SHOX: variants seen among roughly 807,000 people sequenced by gnomAD.
SHOX encodes SHOX homeobox.
In SHOX, 12 loss-of-function variants were observed where a neutral mutation model predicts 29.6. The ratio of observed to expected loss-of-function variants is 0.41; its 90% CI spans 0.26 to 0.66. The LOEUF (loss-of-function observed/expected upper bound fraction) is 0.66, where lower values mean the gene tolerates loss of function less well. Among genes scored for constraint, SHOX ranks in the 30% least tolerant of loss-of-function variants. The pLI is 0.35. For synonymous variants in SHOX, 214 were observed against 200.6 expected (o/e 1.07, Z -0.57); for missense variants, 499 against 437.7 (o/e 1.14, Z -1.25).
intron 4 of SHOX, 98 bp from the exon 5 acceptor site, chrX:644,269 TGGAGAAGGGGCGACGCTCCCTAGG>T: frequency 7.8e-7 from 1 of 1,275,784 alleles, no homozygotes. Context: ...TCTCCACGGC[TGGAGAAGGGGCGACGCTCCCTAGG>T]GGAGAAGAGG....
intron 4 of SHOX, among the ~76,000 whole-genome samples, chrX:643,588 G>A (rs1197555535): frequency 1.7e-4 from 25 of 146,890 alleles, no homozygotes; most frequent in African/African-American, 6.5e-4. Context: ...TGGTGTCCCG[G>A]GAGAGGCTTG....
At chrX:626,385 C>G (rs1315451767), upstream of SHOX, among the ~76,000 whole-genome samples, 36 of 133,950 alleles carry the variant, frequency 2.7e-4, no homozygotes, top group Admixed American at 3.7e-4. Context: ...CTTTCTCTGT[C>G]TCTGTCTGTA....
chrX:634,086 T>A (rs1435867236), intron 1 of SHOX, among the ~76,000 whole-genome samples: 4 of 152,248 alleles, frequency 2.6e-5, no homozygotes, highest in Non-Finnish European at 4.4e-5. Flanking sequence ...GACGCGGTTC[T>A]GCTGTTCTGC....
upstream of SHOX, among the ~76,000 whole-genome samples, chrX:629,507 A>ATCTCTCTCTCTCCCTG (rs1302849618): frequency 1.4e-5 from 1 of 73,366 alleles, no homozygotes; most frequent in Non-Finnish European, 3.0e-5. Flanking sequence ...CTCTCTCTCC[A>ATCTCTCTCTCTCCCTG]TCTCTCTCTC....
chrX:624,718 TTTC>T, intron 1 of SHOX: 1 of 143,828 alleles, frequency 7.0e-6, no homozygotes, highest in African/African-American at 2.7e-5. Flanking sequence ...TCTTTCTTTC[TTTC>T]TTTCTTTCTT....
Position 633,732 on chromosome X carries a change from G to C in SHOX, c.278-886G>C, listed in dbSNP as rs147284084. ...TCTCATCTGTGCTCAGCAGGCCCGA[G>C]ATAGGAACAGAGGGGCGTTGGAGAT... is the stretch of plus-strand genomic sequence containing the variant. On this transcript the variant is annotated intron_variant, in intron 1 of 4. Transcript: ENST00000686671. 4.3e-3 allele frequency among the ~76,000 whole-genome samples: 662 copies of C among 152,236 alleles called. 2 individuals are homozygous for C. The highest frequency in any genetic ancestry group is 7.1e-3 in the Non-Finnish European group (486 of 68,018).
intron 2 of SHOX, among the ~76,000 whole-genome samples, chrX:639,621 C>A (rs1469445782): frequency 2.0e-5 from 3 of 152,248 alleles, no homozygotes; most frequent in African/African-American, 7.2e-5. Context: ...AGTCCACTTC[C>A]ACTGGCTCGG....
Position 636,970 on chromosome X carries a change from A to ATATATATATATATATATATATATAT in SHOX, c.486+2145_486+2146insATATATATATATATATATATATATT, listed in dbSNP as rs1458275715. 2.4e-3 allele frequency among the ~76,000 whole-genome samples: 324 copies of ATATATATATATATATATATATATAT among 137,100 alleles called. 7 individuals carry two copies. The highest frequency in any genetic ancestry group is 7.8e-3 in the Middle Eastern group (2 of 256). 89.9% of individuals were successfully genotyped at this position (137,100 alleles called of 152,430 possible). On this transcript the variant is annotated intron_variant, in intron 2 of 4. Transcript: ENST00000686671. The stretch of plus-strand genomic sequence containing the variant: ...AAAATATATATATATATATATATAT[A>ATATATATATATATATATATATATAT]TTTTGGCTCCTGATTCTCTTCCGTC...
intron 1 of SHOX, chrX:624,701 T>TTTTCTTTCTTTTCTTTCTTTCTTTC (rs1556451346): frequency 2.2e-4 from 23 of 105,450 alleles, no homozygotes; most frequent in African/African-American, 8.5e-4. Flanking sequence ...TTCCTCTTTC[T>TTTTCTTTCTTTTCTTTCTTTCTTTC]TTTCTTTCTT....
At chrX:657,405 C>A (rs983119855) in intron 5 of SHOX, among the ~76,000 whole-genome samples, 33 of 152,192 alleles carry the variant, frequency 2.2e-4, no homozygotes, top group Non-Finnish European at 4.1e-4. Flanking sequence ...AATCACAATG[C>A]ACCCTTGGGA....
At chrX:627,810 G>A (rs911406534), upstream of SHOX, among the ~76,000 whole-genome samples, 8 of 152,084 alleles carry the variant, frequency 5.3e-5, no homozygotes, top group African/African-American at 1.2e-4. Flanking sequence ...TGGGCCTCAC[G>A]GGACCCCCCA....
upstream of SHOX, chrX:630,389 G>C (rs1245376172): frequency 1.2e-5 from 2 of 162,416 alleles, no homozygotes; most frequent in South Asian, 3.6e-4. Context: ...GCTCCTCCCG[G>C]GAGCGAGGGC....
chrX:625,548 T>C (rs1569491930), intron 1 of SHOX, among the ~76,000 whole-genome samples: 1 of 150,528 alleles, frequency 6.6e-6, no homozygotes, highest in African/African-American at 2.5e-5. Context: ...TCTCTCTTTC[T>C]CTCCTCTGTC....
At chrX:641,553 G>C (rs2124184617) in intron 4 of SHOX, among the ~76,000 whole-genome samples, 1 of 152,204 alleles carries the variant, frequency 6.6e-6, no homozygotes, top group South Asian at 2.1e-4. Context: ...GCCGGGCGTG[G>C]TGGTGCACAC....
chrX:630,788 G>A (rs956042134), upstream of SHOX: 1 of 1,323,876 alleles, frequency 7.6e-7, no homozygotes, highest in African/African-American at 1.5e-5. Context: ...CCAATGGAAA[G>A]GCGTAAATAA....
chrX:627,943 A>T (rs944236828), upstream of SHOX, among the ~76,000 whole-genome samples: 1 of 152,122 alleles, frequency 6.6e-6, no homozygotes, highest in African/African-American at 2.4e-5. Context: ...CCAGTTTCCC[A>T]GCAGAGGCAG....
At chrX:624,778 C>G (rs1166957390) in intron 1 of SHOX, among the ~76,000 whole-genome samples, 1 of 113,978 alleles carries the variant, frequency 8.8e-6, no homozygotes, top group Non-Finnish European at 1.8e-5. Flanking sequence ...GGTTTTGGAG[C>G]TTTCCTTTTC....
chrX:626,776 T>C (rs2052545963), upstream of SHOX, among the ~76,000 whole-genome samples: 2 of 150,522 alleles, frequency 1.3e-5, no homozygotes, highest in Non-Finnish European at 1.5e-5. Flanking sequence ...CTCTCCTCTC[T>C]TTTTCTCTGT....
downstream of SHOX, among the ~76,000 whole-genome samples, chrX:653,097 C>T (rs1241653114): frequency 5.3e-5 from 8 of 152,114 alleles, no homozygotes; most frequent in African/African-American, 1.2e-4. Flanking sequence ...AAAAATTAGC[C>T]GGGCGTGGTG....
Sources: allele counts gnomAD v4.1 joint callset (sites outside exome capture counted in the v4.1 genomes callset), GRCh38; gene constraint gnomAD v4.1.1; transcripts MANE v1.5; gene names NCBI Gene and HGNC (gene_info 2026-07-23, HGNC 2026-07-21).